The following SVBP variants were observed in gnomAD, a reference collection of about 807,000 sequenced individuals.
SVBP encodes small vasohibin binding protein, also known as small vasohibin-binding protein.
Under a neutral mutation model 9.2 loss-of-function variants are expected in SVBP, and 9 were observed. The observed-to-expected ratio is 0.98, with a 90% CI of 0.59 to 1.71. The LOEUF (loss-of-function observed/expected upper bound fraction) is 1.71, where lower values mean the gene tolerates loss of function less well. Ranked by LOEUF, SVBP falls within the 40% of genes most tolerant of loss-of-function variation. SVBP has a pLI of 0.00. For missense variants in SVBP, 63 were observed against 73.2 expected (o/e 0.86, Z 0.51); for synonymous variants, 27 against 23.9 (o/e 1.13, Z -0.37).
In SVBP at chr1:42,807,456, C is replaced by T. The variant is rs966011922; in HGVS notation, c.159G>A (p.Gln53=). 48 of 1,613,882 alleles carry T rather than the reference C, an allele frequency of 3.0e-5. No homozygotes were observed. The highest frequency in any genetic ancestry group is 4.0e-5 in the Non-Finnish European group (47 of 1,179,870). The change falls in exon 3 of 3, where the codon CAG becomes CAA. Residue 53 remains glutamine (Q), a synonymous_variant. Coordinates refer to ENST00000372521, the MANE Select transcript of SVBP (RefSeq NM_199342.4). ...GCATCTGTTTACAGAACTCATCAAA[C>T]TGCTGCTGCTCCAGTTCTGTCATGA... is the stretch of plus-strand genomic sequence containing the variant. ...NRVMTELEQQ[Q]FDEFCKQMQP... is the part of the protein sequence containing the mutation.
At chr1:42,808,752 A>G (rs1654020662) in intron 2 of SVBP, among the ~76,000 whole-genome samples, 1 of 152,000 alleles carries the variant, frequency 6.6e-6, no homozygotes, top group South Asian at 2.1e-4. Context: ...GCTGGATTGC[A>G]GTGGCATGAT....
At chr1:42,808,357 TAATG>T (rs1557597567) in intron 2 of SVBP, among the ~76,000 whole-genome samples, 1 of 144,290 alleles carries the variant, frequency 6.9e-6, no homozygotes, top group Non-Finnish European at 1.5e-5. Flanking sequence ...ATATATATAA[TAATG>T]GTATATATAC....
intron 2 of SVBP, among the ~76,000 whole-genome samples, chr1:42,809,711 G>A (rs966526006): frequency 2.6e-5 from 4 of 152,026 alleles, no homozygotes; most frequent in African/African-American, 9.7e-5. Context: ...TAACACTACC[G>A]CAAATGATTC....
chr1:42,808,957 A>G (rs2124242437), intron 2 of SVBP: 1 of 152,550 alleles, frequency 6.6e-6, no homozygotes, highest in Non-Finnish European at 1.5e-5. Context: ...TCGGCCTCCC[A>G]AAGTGCTGGG....
chr1:42,813,345 C>T, intron 2 of SVBP: 1 of 340,714 alleles, frequency 2.9e-6, no homozygotes, highest in Non-Finnish European at 6.1e-6. Context: ...GACGTTGGTT[C>T]TTCAGAAAAA....
At chr1:42,807,834 T>C (rs901749112) in intron 2 of SVBP, among the ~76,000 whole-genome samples, 1 of 151,980 alleles carries the variant, frequency 6.6e-6, no homozygotes, top group African/African-American at 2.4e-5. Context: ...CCACAAATAA[T>C]CTTCTGGTCT....
chr1:42,816,646 T>G, intron 1 of SVBP, 66 bp from the exon 2 acceptor site: 2 of 789,986 alleles, frequency 2.5e-6, no homozygotes, highest in African/African-American at 3.4e-5. Context: ...TGCCAGTTAC[T>G]CCTCTAATCC....
chr1:42,808,141 G>GTATATATATATATATATA (rs1305299239), intron 2 of SVBP, among the ~76,000 whole-genome samples: 1 of 41,682 alleles, frequency 2.4e-5, no homozygotes, highest in African/African-American at 1.2e-4. Flanking sequence ...TATAGTGTGT[G>GTATATATATATATATATA]TGTGTGTGTA....
chr1:42,817,035 T>C (rs912539263), intron 1 of SVBP, 155 bp downstream of exon 1: 16 of 377,358 alleles, frequency 4.2e-5, no homozygotes, highest in Admixed American at 1.9e-4. Context: ...CCGGGCCCCA[T>C]AGCCAGCCGG....
Position 42,808,149 on chromosome 1 carries a change from G to GTATA in SVBP, c.115-653_115-650dup, listed in dbSNP as rs781743959. 7.1e-3 allele frequency among the ~76,000 whole-genome samples: 413 copies of GTATA among 58,290 alleles called. 4 individuals carry two copies. The highest frequency in any genetic ancestry group is 0.011 in the African/African-American group (169 of 14,764). The allele number at this position is 58,290 out of a possible 152,430, so 38.2% of individuals were successfully genotyped here. On this transcript the variant is annotated intron_variant, in intron 2 of 2. Coordinates refer to ENST00000372521, the MANE Select transcript of SVBP (RefSeq NM_199342.4). ...ATGTGAATATAGTGTGTGTGTGTGT[G>GTATA]TATATATATATATATATATATATAT... is the stretch of plus-strand genomic sequence containing the variant.
chr1:42,814,573 G>A (rs1197469286), intron 2 of SVBP, among the ~76,000 whole-genome samples: 8 of 150,002 alleles, frequency 5.3e-5, no homozygotes, highest in Non-Finnish European at 7.4e-5. Flanking sequence ...CAGAGATCAC[G>A]CCACTGCACT....
chr1:42,815,855 C>A (rs1235299305), intron 2 of SVBP, among the ~76,000 whole-genome samples: 1 of 151,996 alleles, frequency 6.6e-6, no homozygotes, highest in African/African-American at 2.4e-5. Flanking sequence ...AGGAAATGAA[C>A]AAAGCAGACA....
At chr1:42,809,750 T>C (rs938610186) in intron 2 of SVBP, among the ~76,000 whole-genome samples, 1 of 152,152 alleles carries the variant, frequency 6.6e-6, no homozygotes. Context: ...CTGATGAAAC[T>C]AGTAAATTTT....
intron 2 of SVBP, among the ~76,000 whole-genome samples, chr1:42,808,291 T>C (rs1032784022): frequency 6.9e-6 from 1 of 145,640 alleles, no homozygotes; most frequent in Non-Finnish European, 1.5e-5. Context: ...ATATACACTA[T>C]ACTTGCAAAC....
intron 2 of SVBP, among the ~76,000 whole-genome samples, chr1:42,808,168 TATATATATATAC>T (rs1372396955): frequency 0.024 from 3,149 of 130,324 alleles, 268 homozygotes; most frequent in African/African-American, 0.097. Context: ...TATATATATA[TATATATATATAC>T]ATACTATGTA....
At chr1:42,811,548 A>G (rs142950229) in intron 2 of SVBP, among the ~76,000 whole-genome samples, 94 of 152,314 alleles carry the variant, frequency 6.2e-4, no homozygotes, top group African/African-American at 2.1e-3. Flanking sequence ...GGTCCACACA[A>G]TAAGAGCAGG....
In SVBP at chr1:42,807,506, TGA is replaced by T. The variant is rs767983295; in HGVS notation, c.115-8_115-7del. The T allele has an allele frequency of 1.2e-5, 20 of 1,608,552 alleles. No homozygotes were observed. The South Asian group carries it at 1.9e-4, about 15-fold the overall frequency. ...ACTCTGTTGAGGGCATAGATCTGAATGAGAGAAAGAGATACATCTGTTAGCAA... is the reference window on the plus strand; with the variant it reads ...ACTCTGTTGAGGGCATAGATCTGAATGAGAAAGAGATACATCTGTTAGCAA... On this transcript the variant is annotated splice_polypyrimidine_tract_variant and splice_region_variant and intron_variant, in intron 2 of 2. Coordinates refer to ENST00000372521, the MANE Select transcript of SVBP (RefSeq NM_199342.4).
chr1:42,807,576 G>A, intron 2 of SVBP, 76 bp from the exon 3 acceptor site: 1 of 1,145,034 alleles, frequency 8.7e-7, no homozygotes, highest in Non-Finnish European at 1.3e-6. Flanking sequence ...AACAGGTGGT[G>A]CCTTCTGAAA....
chr1:42,817,146 G>A, intron 1 of SVBP, 44 bp downstream of exon 1: 1 of 1,199,336 alleles, frequency 8.3e-7, no homozygotes. Flanking sequence ...GGAGGAAAAT[G>A]GCGGTCGCTG....
Sources: allele counts gnomAD v4.1 joint callset (sites outside exome capture counted in the v4.1 genomes callset), GRCh38; gene constraint gnomAD v4.1.1; transcripts MANE v1.5; gene names NCBI Gene and HGNC (gene_info 2026-07-23, HGNC 2026-07-21).